Variants in TMEM71 observed in about 807,000 individuals in gnomAD.
TMEM71 encodes transmembrane protein 71.
Under a neutral mutation model 38.0 loss-of-function variants are expected in TMEM71, and 44 were observed. The ratio of observed to expected loss-of-function variants is 1.16; its 90% CI spans 0.91 to 1.49. TMEM71 has a LOEUF of 1.49. Ranked by LOEUF, TMEM71 falls within the 40% of genes most tolerant of loss-of-function variation. TMEM71 has a pLI of 0.00. For synonymous variants in TMEM71, 133 were observed against 122.5 expected, an observed-to-expected ratio of 1.09 and a Z score of -0.56; for missense variants, 367 against 348.6, an observed-to-expected ratio of 1.05 and a Z score of -0.42.
chr8:132,713,462 A>G (rs1826342495), intron 9 of TMEM71, among the ~76,000 whole-genome samples: 1 of 152,190 alleles, frequency 6.6e-6, no homozygotes, highest in African/African-American at 2.4e-5. Context: ...AGTGAAGGTA[A>G]TTAACACAGT....
Position 132,714,009 on chromosome 8 carries a change from G to A in TMEM71, c.858C>T (p.Thr286=). 6.2e-7 allele frequency: 1 copy of A among 1,613,828 alleles called. No homozygotes were observed. Among genetic ancestry groups the A allele is most frequent in the Non-Finnish European group, 8.5e-7 (1 of 1,179,840 alleles). The change falls in exon 9 of 10, where the codon ACC becomes ACT. Residue 286 remains threonine (T), a synonymous_variant. Coordinates refer to ENST00000677595, the MANE Select transcript of TMEM71 (RefSeq NM_001382403.1). ...GCAACACTTACCGAGCACAGGCAGT[G>A]GTTTTGAAATAGCTGGCAAGGCTGA... ...LFLSLASYFK[T]TACARFVKI
At chr8:132,711,808 C>T (rs1307097762) in intron 9 of TMEM71, among the ~76,000 whole-genome samples, 1 of 152,126 alleles carries the variant, frequency 6.6e-6, no homozygotes, top group Non-Finnish European at 1.5e-5. Context: ...CTAATCTAAT[C>T]TAACTTGCAC....
At chr8:132,775,514 C>T in the TMEM71 span, 2 of 375,456 alleles carry the variant, frequency 5.3e-6, no homozygotes, top group East Asian at 7.7e-5. Flanking sequence ...GGCCCCAGCT[C>T]GCTCCGCTCC....
upstream of TMEM71, among the ~76,000 whole-genome samples, chr8:132,764,941 C>A (rs1263073178): frequency 6.6e-6 from 1 of 152,178 alleles, no homozygotes; most frequent in African/African-American, 2.4e-5. Flanking sequence ...CCAAGTCTGG[C>A]TAGGTTCTCT....
intron 4 of TMEM71, among the ~76,000 whole-genome samples, chr8:132,751,189 C>T (rs1014298291): frequency 1.6e-4 from 25 of 152,328 alleles, no homozygotes; most frequent in Non-Finnish European, 3.1e-4. Flanking sequence ...CCCCTGCTCC[C>T]ATGCTCAGTC....
chr8:132,741,695 T>G (rs79715734), intron 5 of TMEM71, among the ~76,000 whole-genome samples: 5 of 152,160 alleles, frequency 3.3e-5, no homozygotes, highest in African/African-American at 4.8e-5. Context: ...ACTACTGCTA[T>G]CTAGAAGGCA....
chr8:132,713,429 T>C (rs1826341215), intron 9 of TMEM71, among the ~76,000 whole-genome samples: 1 of 152,146 alleles, frequency 6.6e-6, no homozygotes, highest in Non-Finnish European at 1.5e-5. Context: ...GCCATGTGAG[T>C]TTGCCTCTGG....
intron 7 of TMEM71, among the ~76,000 whole-genome samples, chr8:132,719,276 T>C (rs553714076): frequency 6.6e-6 from 1 of 152,328 alleles, no homozygotes; most frequent in East Asian, 1.9e-4. Flanking sequence ...GTTGAGCATC[T>C]CTAAATAAAA....
At chr8:132,739,574 G>T (rs1827930692) in intron 5 of TMEM71, among the ~76,000 whole-genome samples, 1 of 152,132 alleles carries the variant, frequency 6.6e-6, no homozygotes, top group Admixed American at 6.5e-5. Context: ...GCCTCCCAAA[G>T]TGCTGGGATT....
chr8:132,715,005 C>T (rs1019730008), intron 7 of TMEM71, among the ~76,000 whole-genome samples: 5 of 152,064 alleles, frequency 3.3e-5, no homozygotes, highest in African/African-American at 7.2e-5. Flanking sequence ...ATTAAAACAG[C>T]GAGATATCAC....
At position 132,727,808 on chromosome 8, in the gene TMEM71, C is replaced by T. The variant is rs557308599; in HGVS notation, c.666G>A (p.Ser222=). The T allele has an allele frequency of 2.3e-5, 37 of 1,607,756 alleles. No individual in the cohort carries two copies. Among genetic ancestry groups the T allele is most frequent in the East Asian group, 2.2e-4 (10 of 44,762 alleles). The part of the protein sequence containing the change: ...TASERFQENS[S]DHSETRLLQE... ...AACACCTGAACTCACCTGAATGATC[C>T]GAACTATTCTCTTGGAAACGTTCAG... is the stretch of plus-strand genomic sequence containing the variant. Residue 222 remains serine, a synonymous_variant, in exon 6 of 10, where the codon TCG becomes TCA. Coordinates refer to ENST00000677595, the MANE Select transcript of TMEM71 (RefSeq NM_001382403.1).
chr8:132,728,037 T>C, intron 5 of TMEM71, 51 bp from the exon 6 acceptor site: 1 of 1,404,518 alleles, frequency 7.1e-7, no homozygotes, highest in Non-Finnish European at 9.8e-7. Flanking sequence ...TGTGTGTGTG[T>C]GTGTGTGTGT....
intron 3 of TMEM71, 84 bp downstream of exon 3, chr8:132,757,150 C>G: frequency 1.1e-6 from 1 of 909,104 alleles, no homozygotes; most frequent in Non-Finnish European, 1.7e-6. Context: ...CCTGCCTCGG[C>G]CTCCCAAAGT....
chr8:132,710,312 A>T lies in TMEM71; in HGVS notation c.*655T>A, dbSNP rs1439552887. Reference sequence around the variant, plus strand: ...GACATTAAAGTGAAAGGTAATTACGAGCCCCAAGAAGATTAAAAACTTGGT... The same window carrying T: ...GACATTAAAGTGAAAGGTAATTACGTGCCCCAAGAAGATTAAAAACTTGGT... On this transcript the variant is annotated 3_prime_UTR_variant, in exon 10 of 10. Transcript: ENST00000677595. 5 of 152,300 alleles carry T rather than the reference A, an allele frequency of 3.3e-5. No homozygotes were observed. The highest frequency in any genetic ancestry group is 9.7e-5 in the African/African-American group (4 of 41,448). 9.4% of individuals were successfully genotyped at this position (152,300 alleles called of 1,614,324 possible). A position where few individuals can be genotyped will look rare whatever the true frequency, so the allele number is the denominator to read the frequency against.
At chr8:132,775,236 G>C in the TMEM71 span, 3 of 314,698 alleles carry the variant, frequency 9.5e-6, no homozygotes, top group African/African-American at 2.4e-5. Flanking sequence ...GCCCGCTAGC[G>C]GTCCGTCAAC....
intron 3 of TMEM71, among the ~76,000 whole-genome samples, chr8:132,755,888 A>G (rs1367561219): frequency 6.6e-6 from 1 of 152,230 alleles, no homozygotes; most frequent in African/African-American, 2.4e-5. Context: ...AAAATGATTT[A>G]CAAAAACAGC....
At chr8:132,762,871 A>ACGT (rs1292975993), upstream of TMEM71, among the ~76,000 whole-genome samples, 1 of 152,226 alleles carries the variant, frequency 6.6e-6, no homozygotes, top group Non-Finnish European at 1.5e-5. Context: ...TTTCAACCTC[A>ACGT]CGTAGCCCTA....
At chr8:132,752,062 G>A (rs1828746217) in intron 3 of TMEM71, 65 bp from the exon 4 acceptor site, 6 of 1,334,100 alleles carry the variant, frequency 4.5e-6, no homozygotes, top group Non-Finnish European at 6.4e-6. Flanking sequence ...AATAAACCAT[G>A]TCTCATCACT....
intron 6 of TMEM71, among the ~76,000 whole-genome samples, chr8:132,724,554 G>A (rs896337428): frequency 2.6e-5 from 4 of 152,042 alleles, no homozygotes; most frequent in African/African-American, 9.7e-5. Flanking sequence ...CCCTAAAATC[G>A]CTGTTATTCT....
Sources: gnomAD v4.1 joint callset for allele counts (sites outside exome capture counted in the v4.1 genomes callset) on GRCh38, gnomAD v4.1.1 for gene constraint, MANE v1.5 for transcripts, NCBI Gene and HGNC (gene_info 2026-07-23, HGNC 2026-07-21) for gene names.